The following PCSK5 variants were observed in gnomAD, a reference collection of about 807,000 sequenced individuals.
PCSK5 encodes the protein prohormone convertase 5.
A neutral mutation model predicts 233.2 loss-of-function variants in PCSK5; 129 were observed. The observed-to-expected ratio is 0.55, with a 90% CI of 0.48 to 0.64. PCSK5 has a LOEUF of 0.64. PCSK5 is among the 30% of genes least tolerant of loss of function. PCSK5 has a pLI of 0.00. For missense variants in PCSK5, 2,076 were observed against 2,430.1 expected (o/e 0.85, Z 3.06); for synonymous variants, 825 against 879.2 (o/e 0.94, Z 1.09).
At chr9:75,913,147 GGCACATTCTTCCTCA>G (rs34888007) in intron 1 of PCSK5, among the ~76,000 whole-genome samples, 47,543 of 151,958 alleles carry the variant, frequency 0.31, 7,971 homozygotes, top group African/African-American at 0.39. Context: ...ACAATGACTG[GGCACATTCTTCCTCA>G]GCACCTGGTA....
chr9:76,144,334 C>A (rs906381335), intron 10 of PCSK5, among the ~76,000 whole-genome samples: 2 of 152,180 alleles, frequency 1.3e-5, no homozygotes, highest in East Asian at 3.8e-4. Context: ...AGATATGTAT[C>A]CAGCTTGGTT....
chr9:76,088,514 A>G (rs1214828662), intron 7 of PCSK5, among the ~76,000 whole-genome samples: 1 of 152,224 alleles, frequency 6.6e-6, no homozygotes, highest in Non-Finnish European at 1.5e-5. Context: ...AGAAACCTGG[A>G]TACTCTCTAC....
intron 7 of PCSK5, among the ~76,000 whole-genome samples, chr9:76,090,878 A>G (rs542318371): frequency 2.6e-5 from 4 of 152,140 alleles, no homozygotes; most frequent in African/African-American, 4.8e-5. Context: ...AAATGGTCCC[A>G]TCTGGGGGTG....
At chr9:75,940,030 A>G (rs965178943) in intron 2 of PCSK5, among the ~76,000 whole-genome samples, 2 of 152,178 alleles carry the variant, frequency 1.3e-5, no homozygotes, top group African/African-American at 2.4e-5. Context: ...GACTCCTTAG[A>G]ATTAGAGTTG....
intron 9 of PCSK5, among the ~76,000 whole-genome samples, chr9:76,122,929 C>G (rs1359947677): frequency 6.6e-6 from 1 of 150,808 alleles, no homozygotes; most frequent in Admixed American, 6.6e-5. Flanking sequence ...CCTTCACCTC[C>G]CAGGTTCAAG....
intron 1 of PCSK5, among the ~76,000 whole-genome samples, chr9:75,897,438 C>T (rs1825854405): frequency 1.3e-5 from 2 of 150,296 alleles, no homozygotes; most frequent in Admixed American, 1.3e-4. Flanking sequence ...TTGGACAGCC[C>T]TTGTTTATAA....
chr9:76,262,273 C>T (rs1255000306), intron 24 of PCSK5, among the ~76,000 whole-genome samples: 1 of 152,248 alleles, frequency 6.6e-6, no homozygotes, highest in East Asian at 1.9e-4. Context: ...TTGGAAAAAA[C>T]TACTTTAAAG....
At chr9:76,188,798 C>A in intron 18 of PCSK5, 123 bp downstream of exon 18, 2 of 714,208 alleles carry the variant, frequency 2.8e-6, no homozygotes, top group South Asian at 3.6e-5. Context: ...GTTTATTTCT[C>A]GTTTGATAAT....
chr9:76,042,524 A>C (rs1413020862), intron 5 of PCSK5, among the ~76,000 whole-genome samples: 3 of 152,120 alleles, frequency 2.0e-5, no homozygotes, highest in Non-Finnish European at 4.4e-5. Context: ...GCACATTGGC[A>C]TGTGCCTGTA....
In PCSK5 at chr9:76,321,438, G is replaced by A; in HGVS notation, c.3901G>A (p.Asp1301Asn). The change falls in exon 31 of 38, where the codon GAC becomes AAC. Residue 1301 changes from aspartate to asparagine, a missense_variant. Transcript: ENST00000674117. ...SKCPEGSYAE[D>N]GICERCSSPC... ...CTTCCACAGGGGCTCTTATGCAGAA[G>A]ACGGCATATGTGAACGCTGTAGCTC... 6.3e-7 allele frequency: 1 copy of A among 1,589,708 alleles called. No individual in the cohort carries two copies. The highest frequency in any genetic ancestry group is 8.6e-7 in the Non-Finnish European group (1 of 1,159,006).
intron 2 of PCSK5, among the ~76,000 whole-genome samples, chr9:75,966,644 G>C (rs1405675238): frequency 6.6e-6 from 1 of 152,190 alleles, no homozygotes; most frequent in Admixed American, 6.6e-5. Flanking sequence ...CACTTGACCT[G>C]TCATTAAACA....
intron 33 of PCSK5, 71 bp from the exon 34 acceptor site, chr9:76,332,362 C>A: frequency 2.5e-6 from 3 of 1,185,522 alleles, no homozygotes; most frequent in Non-Finnish European, 3.7e-6. Context: ...CCATGGTACA[C>A]AAGAGGGAAA....
At chr9:75,981,816 G>C (rs771464423) in intron 2 of PCSK5, among the ~76,000 whole-genome samples, 2 of 152,088 alleles carry the variant, frequency 1.3e-5, no homozygotes, top group African/African-American at 2.4e-5. Context: ...TCCTGCCTTG[G>C]CCTCCCAAAG....
rs1564196883 is a variant in PCSK5 at position 76,351,516 on chromosome 9, GAAAGAAAGAAAGA to G, written c.5067+591_5067+603del. On this transcript the variant is annotated intron_variant, in intron 36 of 37. Coordinates refer to ENST00000674117, the MANE Select transcript of PCSK5 (RefSeq NM_001372043.1). Reference sequence around the variant, plus strand: ...AGAAAGAAAGAAAGAAAGAAAGAAAGAAAGAAAGAAAGAAAGGAAGGAAAGAAAGAGAAAGAAG... The same window carrying G: ...AGAAAGAAAGAAAGAAAGAAAGAAAGAAGGAAGGAAAGAAAGAGAAAGAAG... Among the ~76,000 whole-genome samples, 18 of 112,926 alleles carry G rather than the reference GAAAGAAAGAAAGA, an allele frequency of 1.6e-4. 1 individual carries two copies. The highest frequency in any genetic ancestry group is 4.6e-4 in the African/African-American group (14 of 30,498). 74.1% of individuals were successfully genotyped at this position (112,926 alleles called of 152,430 possible).
intron 2 of PCSK5, among the ~76,000 whole-genome samples, chr9:75,983,107 A>G (rs576819237): frequency 3.3e-5 from 5 of 152,092 alleles, no homozygotes; most frequent in Non-Finnish European, 5.9e-5. Context: ...TTGACTTTCT[A>G]TGCTATTACA....
chr9:76,033,445 A>G (rs1216811860), intron 5 of PCSK5, among the ~76,000 whole-genome samples: 1 of 152,168 alleles, frequency 6.6e-6, no homozygotes, highest in Admixed American at 6.5e-5. Flanking sequence ...TTTCTCTAAT[A>G]CTTTTGCAAA....
intron 2 of PCSK5, among the ~76,000 whole-genome samples, chr9:75,933,861 G>A (rs1290910268): frequency 7.2e-5 from 11 of 152,256 alleles, no homozygotes; most frequent in Non-Finnish European, 1.3e-4. Context: ...CTTTTTTGAA[G>A]CTTTTCTTGA....
chr9:76,330,642 A>T (rs2131479074), intron 33 of PCSK5, among the ~76,000 whole-genome samples: 1 of 152,290 alleles, frequency 6.6e-6, no homozygotes, highest in Non-Finnish European at 1.5e-5. Context: ...TTAAAAAAAA[A>T]TGTTTTAAAG....
At chr9:76,169,124 C>G (rs1823218287) in intron 12 of PCSK5, among the ~76,000 whole-genome samples, 1 of 152,174 alleles carries the variant, frequency 6.6e-6, no homozygotes, top group Admixed American at 6.5e-5. Flanking sequence ...TCCACAGATA[C>G]AGAGGGCCGA....
Sources: allele counts gnomAD v4.1 joint callset (sites outside exome capture counted in the v4.1 genomes callset), GRCh38; gene constraint gnomAD v4.1.1; transcripts MANE v1.5; gene names NCBI Gene and HGNC (gene_info 2026-07-23, HGNC 2026-07-21).